MARCHF1: variants seen among roughly 807,000 people sequenced by gnomAD.
The protein encoded by MARCHF1 is membrane associated ring-CH-type finger 1.
A neutral mutation model predicts 54.2 loss-of-function variants in MARCHF1; 40 were observed. That is an observed-to-expected ratio of 0.74 (90% CI 0.57 to 0.96). The LOEUF (loss-of-function observed/expected upper bound fraction) is 0.96. Ranked by LOEUF, MARCHF1 falls within the 40% of genes least tolerant of loss-of-function variation. MARCHF1 has a pLI of 0.00. For synonymous variants in MARCHF1, 236 were observed against 236.3 expected (o/e 1.00, Z 0.01); for missense variants, 586 against 656.5 (o/e 0.89, Z 1.17).
Position 163,766,658 on chromosome 4 carries a change from A to G in MARCHF1, c.112-65795T>C, listed in dbSNP as rs1259926949. On this transcript the variant is annotated intron_variant, in intron 4 of 9. Transcript: ENST00000514618. ...TTTCCTTACAGATTAATAGATAATAACCCTTCAATCAATCACAGAAAACAC... is the reference window on the plus strand; with the variant it reads ...TTTCCTTACAGATTAATAGATAATAGCCCTTCAATCAATCACAGAAAACAC... Among the ~76,000 whole-genome samples, 3 of 152,266 alleles carry G rather than the reference A, an allele frequency of 2.0e-5. No individual in the cohort carries two copies. In the East Asian group the frequency reaches 5.8e-4, roughly 29 times the overall value.
At chr4:163,707,235 T>C (rs1278699235) in intron 4 of MARCHF1, among the ~76,000 whole-genome samples, 1 of 152,090 alleles carries the variant, frequency 6.6e-6, no homozygotes, top group Non-Finnish European at 1.5e-5. Context: ...TATTTGATTA[T>C]CCTCTGTCTA....
chr4:163,932,602 T>C, intron 3 of MARCHF1: 1 of 396,672 alleles, frequency 2.5e-6, no homozygotes, highest in South Asian at 2.1e-5. Flanking sequence ...ATGAAGGCCA[T>C]GACCAAGCAG....
chr4:163,540,858 CAAA>C lies in MARCHF1; in HGVS notation c.1339+4735_1339+4737del, dbSNP rs576597500. 7.9e-5 allele frequency among the ~76,000 whole-genome samples: 12 copies of C among 152,160 alleles called. No homozygotes were observed. The East Asian group carries it at 2.3e-3, about 30-fold the overall frequency. ...GCAACATGATGAAACCTTGTCCCTA[CAAA>C]AAATTAGCTGGGCACGGTGATTCCC... On this transcript the variant is annotated intron_variant, in intron 9 of 9. Transcript: ENST00000514618.
rs77799258 is a variant in MARCHF1, at chr4:163,929,611, T to C, written c.-39+58890A>G. On this transcript the variant is annotated intron_variant, in intron 3 of 9. Transcript: ENST00000514618. ...GTGGCACCTTCTAATGCTAACCAGG[T>C]ATATATATCAATATGTCAATGATAA... Among the ~76,000 whole-genome samples the C allele has an allele frequency of 7.2e-3, 1,088 of 151,880 alleles. 12 individuals are homozygous for C. Among genetic ancestry groups the C allele is most frequent in the East Asian group, 0.039 (201 of 5,158 alleles).
intron 5 of MARCHF1, among the ~76,000 whole-genome samples, chr4:163,635,940 A>G (rs1742301898): frequency 6.6e-6 from 1 of 152,234 alleles, no homozygotes; most frequent in African/African-American, 2.4e-5. Context: ...TTGGTTCAAT[A>G]TATGCAAATC....
chr4:164,216,953 C>T lies in MARCHF1; in HGVS notation c.-322-105291G>A, dbSNP rs1330181009. On this transcript the variant is annotated intron_variant, in intron 1 of 9. Coordinates refer to ENST00000514618, the MANE Select transcript of MARCHF1 (RefSeq NM_001394959.1). ...GACCAAATTTACTGATGTAAATAAT[C>T]CGGGAAAGTAGGATATTTTTACCTT... Among the ~76,000 whole-genome samples the T allele has an allele frequency of 2.0e-5, 3 of 152,110 alleles. No individual in the cohort carries two copies. In the South Asian group the frequency reaches 6.2e-4, roughly 32 times the overall value.
chr4:163,732,025 G>T (rs1579237457), intron 4 of MARCHF1, among the ~76,000 whole-genome samples: 1 of 152,052 alleles, frequency 6.6e-6, no homozygotes, highest in African/African-American at 2.4e-5. Flanking sequence ...ACATTGTTTG[G>T]TGTCAAATAA....
At chr4:163,978,407 A>G (rs1046171415) in intron 3 of MARCHF1, among the ~76,000 whole-genome samples, 1 of 152,208 alleles carries the variant, frequency 6.6e-6, no homozygotes, top group Non-Finnish European at 1.5e-5. Flanking sequence ...ACTTTTGTTT[A>G]TCAAGCACTT....
intron 4 of MARCHF1, among the ~76,000 whole-genome samples, chr4:163,756,383 C>T (rs1283729855): frequency 9.2e-5 from 14 of 151,798 alleles, no homozygotes; most frequent in Admixed American, 3.3e-4. Flanking sequence ...AATCCCAGCA[C>T]TTTGGGAGGC....
chr4:163,537,653 A>G (rs1486332088), intron 9 of MARCHF1, among the ~76,000 whole-genome samples: 4 of 152,148 alleles, frequency 2.6e-5, no homozygotes, highest in Non-Finnish European at 5.9e-5. Flanking sequence ...TTACCTCTCA[A>G]GCATTAAGGG....
chr4:163,938,018 C>A (rs867735873), intron 3 of MARCHF1, among the ~76,000 whole-genome samples: 2 of 152,014 alleles, frequency 1.3e-5, no homozygotes, highest in South Asian at 2.1e-4. Flanking sequence ...AAGATAAAAT[C>A]TTTTTTAAAA....
chr4:163,637,569 C>T (rs1483676088), intron 5 of MARCHF1, among the ~76,000 whole-genome samples: 6 of 151,000 alleles, frequency 4.0e-5, no homozygotes, highest in Non-Finnish European at 7.4e-5. Context: ...GTTAGAATGG[C>T]AATCATTAAA....
chr4:163,736,019 G>T (rs1233850329), intron 4 of MARCHF1, among the ~76,000 whole-genome samples: 1 of 152,046 alleles, frequency 6.6e-6, no homozygotes, highest in Non-Finnish European at 1.5e-5. Context: ...ATGAATAACA[G>T]TAATAATAAA....
At chr4:163,893,687 A>G (rs1204537353) in intron 3 of MARCHF1, among the ~76,000 whole-genome samples, 1 of 152,252 alleles carries the variant, frequency 6.6e-6, no homozygotes, top group Non-Finnish European at 1.5e-5. Context: ...TAAAAAATGT[A>G]TTGAGCCTTT....
In MARCHF1 at chr4:163,529,062, G is replaced by A; in HGVS notation, c.1340-16C>T. Reference sequence around the variant, plus strand: ...TCAAGGACACCTTTGAAATGAAAAAGAGAAAATGTTATCACCAAGTTGTCC... The same window carrying A: ...TCAAGGACACCTTTGAAATGAAAAAAAGAAAATGTTATCACCAAGTTGTCC... On this transcript the variant is annotated splice_polypyrimidine_tract_variant and intron_variant, in intron 9 of 9. Transcript: ENST00000514618. 2 of 1,577,544 alleles carry A rather than the reference G, an allele frequency of 1.3e-6. No homozygotes were observed. Among genetic ancestry groups the A allele is most frequent in the East Asian group, 2.3e-5 (1 of 44,112 alleles).
chr4:163,724,856 A>G (rs772124328), intron 4 of MARCHF1, among the ~76,000 whole-genome samples: 9 of 151,716 alleles, frequency 5.9e-5, no homozygotes, highest in Non-Finnish European at 1.2e-4. Context: ...GACCATTGGA[A>G]AAGCGCAGTA....
intron 5 of MARCHF1, among the ~76,000 whole-genome samples, chr4:163,662,939 C>G (rs1370551715): frequency 6.6e-6 from 1 of 151,688 alleles, no homozygotes; most frequent in African/African-American, 2.4e-5. Context: ...ACCCCTTCTT[C>G]AGAGAGATTG....
chr4:163,708,973 T>A (rs534050370), intron 4 of MARCHF1, among the ~76,000 whole-genome samples: 9 of 152,162 alleles, frequency 5.9e-5, no homozygotes, highest in African/African-American at 1.7e-4. Flanking sequence ...GTTCATGATA[T>A]ATTGTTAAGG....
intron 4 of MARCHF1, among the ~76,000 whole-genome samples, chr4:163,818,116 AAAAG>A (rs1186798015): frequency 6.6e-6 from 1 of 152,074 alleles, no homozygotes; most frequent in African/African-American, 2.4e-5. Context: ...TATAATAAAA[AAAAG>A]AAAGCCACTT....
Sources: allele counts gnomAD v4.1 joint callset (sites outside exome capture counted in the v4.1 genomes callset), GRCh38; gene constraint gnomAD v4.1.1; transcripts MANE v1.5; gene names NCBI Gene and HGNC (gene_info 2026-07-23, HGNC 2026-07-21).